The following MAP1B variants were observed in gnomAD, a reference collection of about 807,000 sequenced individuals.
The protein encoded by MAP1B is microtubule-associated protein 1B.
A neutral mutation model predicts 176.1 loss-of-function variants in MAP1B; 12 were observed. That is an observed-to-expected ratio of 0.07 (90% CI 0.04 to 0.11). The LOEUF (loss-of-function observed/expected upper bound fraction) is 0.11. MAP1B is among the 10% of genes least tolerant of loss of function. MAP1B has a pLI of 1.00. For synonymous variants in MAP1B, 1,044 were observed against 1,135.0 expected (o/e 0.92, Z 1.61); for missense variants, 2,523 against 2,990.5 (o/e 0.84, Z 3.65).
At chr5:72,109,317 A>G (rs985459168) in intron 1 of MAP1B, among the ~76,000 whole-genome samples, 8 of 152,110 alleles carry the variant, frequency 5.3e-5, no homozygotes, top group Non-Finnish European at 8.8e-5. Flanking sequence ...ATATTTCAGT[A>G]GTGAAATGTC....
chr5:72,194,833 G>A lies in MAP1B; in HGVS notation c.1478G>A (p.Ser493Asn), dbSNP rs140205740. 7 of 1,614,060 alleles carry A rather than the reference G, an allele frequency of 4.3e-6. No homozygotes were observed. In the Admixed American group the frequency reaches 5.0e-5, roughly 12 times the overall value. Residue 493 changes from serine to asparagine, a missense_variant, in exon 5 of 7, where the codon AGC becomes AAC. Around this residue, in one of 4 missense-constraint regions of MAP1B, gnomAD observed 1,925 missense variants for 2,126.0 expected, o/e 0.91. Coordinates refer to ENST00000296755, the MANE Select transcript of MAP1B (RefSeq NM_005909.5). The surrounding 1 kb of genome is among the most constrained non-coding windows in gnomAD (Gnocchi z 7.2). ...KIIRVLFPGN[S>N]TQYNILEGLE... ...ATCCGAGTCCTGTTTCCTGGGAACAGCACCCAGTACAACATCCTGGAAGGG... is the reference window on the plus strand; with the variant it reads ...ATCCGAGTCCTGTTTCCTGGGAACAACACCCAGTACAACATCCTGGAAGGG...
intron 2 of MAP1B, among the ~76,000 whole-genome samples, chr5:72,180,767 C>CT (rs1008904339): frequency 5.9e-5 from 9 of 152,068 alleles, no homozygotes; most frequent in African/African-American, 1.7e-4. Context: ...CCACCGTTGC[C>CT]TTTTTTTGGC....
intron 2 of MAP1B, among the ~76,000 whole-genome samples, chr5:72,125,864 G>A (rs191458975): frequency 6.8e-6 from 1 of 148,004 alleles, no homozygotes; most frequent in African/African-American, 2.6e-5. Flanking sequence ...ATGATGAAGA[G>A]TTAGAATCGA....
At chr5:72,162,673 T>C (rs1190934056) in intron 2 of MAP1B, among the ~76,000 whole-genome samples, 1 of 152,222 alleles carries the variant, frequency 6.6e-6, no homozygotes, top group Non-Finnish European at 1.5e-5. Context: ...GGGTCTTTGC[T>C]GCTTACACAC....
Position 72,174,783 on chromosome 5 carries a change from C to T in MAP1B, c.287-8960C>T, listed in dbSNP as rs574997826. 8.4e-3 allele frequency among the ~76,000 whole-genome samples: 1,272 copies of T among 152,304 alleles called. 19 individuals are homozygous for T. The highest frequency in any genetic ancestry group is 0.029 in the African/African-American group (1,204 of 41,562). On this transcript the variant is annotated intron_variant, in intron 2 of 6. Coordinates refer to ENST00000296755, the MANE Select transcript of MAP1B (RefSeq NM_005909.5). The stretch of plus-strand genomic sequence containing the variant: ...CCAAATCAGAGACTTGGAACCCTGT[C>T]ATTAGAGCTTAAGTAAGTGGACACA...
chr5:72,183,686 G>GT, intron 2 of MAP1B, 57 bp from the exon 3 acceptor site: 1 of 1,417,230 alleles, frequency 7.1e-7, no homozygotes, highest in South Asian at 1.2e-5. Flanking sequence ...AGGCAGGGCA[G>GT]TTTTTATCTG....
At position 72,199,632 on chromosome 5, in the gene MAP1B, C is replaced by G. The variant is rs773664211; in HGVS notation, c.6277C>G (p.Pro2093Ala). The G allele has an allele frequency of 1.2e-5, 19 of 1,614,038 alleles. No homozygotes were observed. The East Asian group carries it at 3.6e-4, about 30-fold the overall frequency. ...CLVSSCEYKH[P>A]KTELSPSFIN... Reference sequence around the variant, plus strand: ...CGTGTCCTCTTGTGAATACAAGCACCCCAAGACAGAGCTTTCACCCTCTTT... The same window carrying G: ...CGTGTCCTCTTGTGAATACAAGCACGCCAAGACAGAGCTTTCACCCTCTTT... The change falls in exon 5 of 7, where the codon CCC becomes GCC. Residue 2093 changes from proline to alanine, a missense_variant. Transcript: ENST00000296755. This position sits in a 1 kb window ranked among gnomAD's most constrained non-coding sequence, Gnocchi z 4.2.
Position 72,194,771 on chromosome 5 carries a change from G to A in MAP1B, c.1416G>A (p.Leu472=), listed in dbSNP as rs756424038. 6.2e-7 allele frequency: 1 copy of A among 1,614,186 alleles called. No homozygotes were observed. The highest frequency in any genetic ancestry group is 1.1e-5 in the South Asian group (1 of 91,090). The change falls in exon 5 of 7, where the codon TTG becomes TTA. Residue 472 remains leucine (L), a synonymous_variant. Coordinates refer to ENST00000296755, the MANE Select transcript of MAP1B (RefSeq NM_005909.5). The surrounding 1 kb of genome is among the most constrained non-coding windows in gnomAD (Gnocchi z 7.2). ...PISYLTSVSS[L]IVWHPANPAE... is the part of the protein sequence containing the mutation. ...CCTACTTAACTTCAGTCTCATCTTT[G>A]ATTGTGTGGCATCCAGCAAACCCTG...
chr5:72,200,192 A>C lies in MAP1B; in HGVS notation c.6837A>C (p.Glu2279Asp). ...CACCAAAACCAGCGGGCTTGAAAGA[A>C]TCCTCGGATAAAGTGTCCAGGGTGG... ...AASPKPAGLK[E>D]SSDKVSRVAS... Residue 2279 changes from glutamate to aspartate, a missense_variant, in exon 5 of 7, where the codon GAA (glutamate) becomes GAC (aspartate). By Grantham distance (45) the Glu-to-Asp change is conservative. Transcript: ENST00000296755. 3.7e-6 allele frequency: 6 copies of C among 1,614,248 alleles called. No individual in the cohort carries two copies. The highest frequency in any genetic ancestry group is 5.1e-6 in the Non-Finnish European group (6 of 1,180,048).
chr5:72,126,366 C>T (rs774390365), intron 2 of MAP1B, among the ~76,000 whole-genome samples: 1 of 152,198 alleles, frequency 6.6e-6, no homozygotes, highest in Non-Finnish European at 1.5e-5. Flanking sequence ...CATTAATAGT[C>T]AGTGGAAAAG....
intron 2 of MAP1B, among the ~76,000 whole-genome samples, chr5:72,180,925 T>C (rs950090869): frequency 1.3e-5 from 2 of 152,172 alleles, no homozygotes; most frequent in East Asian, 1.9e-4. Context: ...ACCAACCCCA[T>C]AGGGCAGTGA....
At chr5:72,150,171 A>T (rs139182174) in intron 2 of MAP1B, among the ~76,000 whole-genome samples, 1 of 152,386 alleles carries the variant, frequency 6.6e-6, no homozygotes, top group African/African-American at 2.4e-5. Flanking sequence ...AGAATGGCCC[A>T]TTTAAAACAG....
At position 72,196,813 on chromosome 5, in the gene MAP1B, A is replaced by T; in HGVS notation, c.3458A>T (p.Glu1153Val). 1 of 1,613,958 alleles carries T rather than the reference A, an allele frequency of 6.2e-7. No individual in the cohort carries two copies. The highest frequency in any genetic ancestry group is 8.5e-7 in the Non-Finnish European group (1 of 1,179,830). The change falls in exon 5 of 7, where the codon GAG (glutamate) becomes GTG (valine). Residue 1153 changes from glutamate (E) to valine (V), a missense_variant. Coordinates refer to ENST00000296755, the MANE Select transcript of MAP1B (RefSeq NM_005909.5). This position sits in a 1 kb window ranked among gnomAD's most constrained non-coding sequence, Gnocchi z 5.3. ...GATGAGACCAACAATGAAGAGACGG[A>T]GTCCCCTTCTCAGGAATTCGTAAAT... The part of the protein sequence containing the change: ...MSDETNNEET[E>V]SPSQEFVNIT...
At position 72,195,903 on chromosome 5, in the gene MAP1B, G is replaced by T. The variant is rs1486566236; in HGVS notation, c.2548G>T (p.Val850Leu). The part of the protein sequence containing the change: ...FEELKAEEVD[V>L]TKDIKPQLEL... ...AGAGTTAAAGGCTGAAGAGGTCGAT[G>T]TAACAAAGGACATCAAGCCTCAGCT... is the stretch of plus-strand genomic sequence containing the variant. The change falls in exon 5 of 7, where the codon GTA (valine) becomes TTA (leucine). Residue 850 changes from valine (V) to leucine (L), a missense_variant. By Grantham distance (32) the Val-to-Leu change is conservative (BLOSUM62 1). This residue lies in a region of MAP1B where 1,925 missense variants were observed against 2,126.0 expected (regional missense o/e 0.91). Coordinates refer to ENST00000296755, the MANE Select transcript of MAP1B (RefSeq NM_005909.5). The T allele has an allele frequency of 6.2e-7, 1 of 1,614,248 alleles. No homozygotes were observed. The highest frequency in any genetic ancestry group is 8.5e-7 in the Non-Finnish European group (1 of 1,180,054).
intron 2 of MAP1B, among the ~76,000 whole-genome samples, chr5:72,140,493 T>A (rs1448906379): frequency 6.6e-6 from 1 of 152,274 alleles, no homozygotes; most frequent in East Asian, 1.9e-4. Context: ...GTATAGAGGT[T>A]TTTGAAGAGG....
intron 2 of MAP1B, among the ~76,000 whole-genome samples, chr5:72,174,935 C>T (rs1412629495): frequency 9.6e-6 from 1 of 104,558 alleles, no homozygotes; most frequent in Admixed American, 9.9e-5. Context: ...CCCTTTCCCC[C>T]TTCCCCCTTC....
chr5:72,205,033 T>C (rs755117812), intron 6 of MAP1B, 51 bp from the exon 7 acceptor site: 11 of 1,502,244 alleles, frequency 7.3e-6, no homozygotes, highest in Non-Finnish European at 9.0e-6. Flanking sequence ...TTTTTTCATA[T>C]GGTTTCTGTT....
intron 1 of MAP1B, among the ~76,000 whole-genome samples, chr5:72,109,807 G>A (rs1352304174): frequency 6.6e-6 from 1 of 152,268 alleles, no homozygotes; most frequent in Non-Finnish European, 1.5e-5. Flanking sequence ...GCTTGCCTTT[G>A]TATGGCCATC....
At chr5:72,145,698 C>T (rs1222645737) in intron 2 of MAP1B, among the ~76,000 whole-genome samples, 1 of 152,184 alleles carries the variant, frequency 6.6e-6, no homozygotes, top group Admixed American at 6.5e-5. Context: ...GGTGGATTTC[C>T]TTAAGGCCCC....
Sources: allele counts gnomAD v4.1 joint callset (sites outside exome capture counted in the v4.1 genomes callset), GRCh38; gene constraint gnomAD v4.1.1; regional missense constraint gnomAD v4.1.1; non-coding constraint Gnocchi (gnomAD v3.1); transcripts MANE v1.5; gene names NCBI Gene and HGNC (gene_info 2026-07-23, HGNC 2026-07-21).